The following RMST variants were observed in gnomAD, a reference collection of about 807,000 sequenced individuals.
RMST encodes the protein rhabdomyosarcoma 2 associated transcript.
At chr12:97,558,118 G>T (rs1287944923) in intron 11 of RMST, among the ~76,000 whole-genome samples, 1 of 151,742 alleles carries the variant, frequency 6.6e-6, no homozygotes, top group African/African-American at 2.4e-5. Flanking sequence ...TTCTTACTTA[G>T]CTTCTCCTTC....
intron 10 of RMST, among the ~76,000 whole-genome samples, chr12:97,529,566 AT>A (rs1165684118): frequency 7.1e-6 from 1 of 141,824 alleles, no homozygotes; most frequent in African/African-American, 2.7e-5. Context: ...ATGATATAGA[AT>A]TCTCTTTCAA....
chr12:97,544,597 C>T (rs1882797350), intron 11 of RMST, among the ~76,000 whole-genome samples: 1 of 151,998 alleles, frequency 6.6e-6, no homozygotes, highest in African/African-American at 2.4e-5. Context: ...TGGTACCATA[C>T]CTTCGCTAGA....
At chr12:97,512,374 C>T (rs1054837940) in intron 10 of RMST, among the ~76,000 whole-genome samples, 3 of 152,142 alleles carry the variant, frequency 2.0e-5, no homozygotes, top group Non-Finnish European at 2.9e-5. Flanking sequence ...TAAGGGGACC[C>T]GAGCCGGTTA....
At position 97,540,935 on chromosome 12, in the gene RMST, G is replaced by T. The variant is rs868447674; in HGVS notation, n.1545+10076G>T. Among the ~76,000 whole-genome samples, 157 of 113,064 alleles carry T rather than the reference G, an allele frequency of 1.4e-3. No individual in the cohort carries two copies. The Middle Eastern group carries it at 0.026, about 19-fold the overall frequency. The allele number at this position is 113,064 out of a possible 152,430, so 74.2% of individuals were successfully genotyped here. A position where few individuals can be genotyped will look rare whatever the true frequency, so the allele number is the denominator to read the frequency against. On this transcript the variant is annotated intron_variant and non_coding_transcript_variant, in intron 11 of 13. Coordinates refer to ENST00000640149, the Ensembl canonical transcript of RMST. ...TAGATTAGATAGATAAATAGATAGA[G>T]AGATAGATAGATATAGATATAGATA...
intron 10 of RMST, among the ~76,000 whole-genome samples, chr12:97,498,261 T>G (rs1565924002): frequency 6.6e-6 from 1 of 152,230 alleles, no homozygotes; most frequent in Admixed American, 6.5e-5. Flanking sequence ...TGATGTTATG[T>G]ATGAATGTGG....
intron 11 of RMST, chr12:97,533,240 T>C (rs186411148): frequency 6.6e-6 from 1 of 151,852 alleles, no homozygotes; most frequent in African/African-American, 2.4e-5. Context: ...ATGCTCCCAA[T>C]AGAAAAACAA....
At chr12:97,533,276 GAATAAATAAC>G (rs1881817825) in intron 11 of RMST, 1 of 151,774 alleles carries the variant, frequency 6.6e-6, no homozygotes, top group South Asian at 2.1e-4. Context: ...AAGGGGTTAG[GAATAAATAAC>G]AATGACATCT....
In RMST at chr12:97,554,884, A is replaced by G. The variant is rs143581274; in HGVS notation, n.1546-5653A>G. Among the ~76,000 whole-genome samples the G allele has an allele frequency of 4.4e-3, 675 of 152,320 alleles. 6 individuals carry two copies. The highest frequency in any genetic ancestry group is 0.016 in the African/African-American group (653 of 41,570). On this transcript the variant is annotated intron_variant and non_coding_transcript_variant, in intron 11 of 13. Transcript: ENST00000640149. The stretch of plus-strand genomic sequence containing the variant: ...AATACCTTGCTAGTTGAAAAGCTCC[A>G]GTGAGCTTCCAGGACATCTTCATGG...
intron 11 of RMST, among the ~76,000 whole-genome samples, chr12:97,547,468 T>C (rs1461087016): frequency 6.6e-6 from 1 of 152,098 alleles, no homozygotes; most frequent in African/African-American, 2.4e-5. Flanking sequence ...GGAATCTTCA[T>C]ACTGTTTTCC....
chr12:97,517,164 C>T (rs1339212538), intron 10 of RMST, among the ~76,000 whole-genome samples: 1 of 151,852 alleles, frequency 6.6e-6, no homozygotes, highest in Non-Finnish European at 1.5e-5. Context: ...AAAGTCAATA[C>T]ATACATCATT....
At chr12:97,509,813 T>C (rs1879095636) in intron 10 of RMST, among the ~76,000 whole-genome samples, 1 of 152,184 alleles carries the variant, frequency 6.6e-6, no homozygotes, top group South Asian at 2.1e-4. Flanking sequence ...AAATATATAT[T>C]GAATGTCTGT....
chr12:97,551,916 G>A (rs150381356), intron 11 of RMST: 1 of 152,150 alleles, frequency 6.6e-6, no homozygotes, highest in South Asian at 2.1e-4. Flanking sequence ...AAATCCTCTT[G>A]AGAAGGACAG....
chr12:97,478,706 T>G (rs1473051438), intron 5 of RMST, among the ~76,000 whole-genome samples: 2 of 152,230 alleles, frequency 1.3e-5, no homozygotes, highest in Admixed American at 6.5e-5. Flanking sequence ...ACTCTGATAG[T>G]GACTGACAGG....
At chr12:97,509,519 G>T (rs1879061121) in intron 10 of RMST, among the ~76,000 whole-genome samples, 2 of 152,232 alleles carry the variant, frequency 1.3e-5, no homozygotes, top group South Asian at 4.1e-4. Context: ...AGCCTGCCTT[G>T]TAGGGGAAGT....
chr12:97,550,678 T>C (rs1883248937), intron 11 of RMST, among the ~76,000 whole-genome samples: 1 of 152,180 alleles, frequency 6.6e-6, no homozygotes, highest in Admixed American at 6.5e-5. Context: ...CTCGACTTTA[T>C]TATTCTTAGT....
intron 10 of RMST, among the ~76,000 whole-genome samples, chr12:97,502,634 C>A (rs1044182301): frequency 1.3e-5 from 2 of 151,864 alleles, no homozygotes; most frequent in African/African-American, 4.8e-5. Flanking sequence ...CTAATTTTTT[C>A]TTTTATTTTT....
rs1884012224 is a variant in RMST at position 97,560,061 on chromosome 12, C to T, written n.1546-476C>T. Among the ~76,000 whole-genome samples the T allele has an allele frequency of 2.0e-5, 3 of 152,056 alleles. No individual in the cohort carries two copies. The South Asian group carries it at 6.2e-4, about 32-fold the overall frequency. On this transcript the variant is annotated intron_variant and non_coding_transcript_variant, in intron 11 of 13. Transcript: ENST00000640149. ...ATTTATGGTTTCAGCATTTGCTTTT[C>T]CCATGTGCTATTTTCATTTTTGTCA...
At chr12:97,511,150 CTTTTT>C (rs200176181) in intron 10 of RMST, among the ~76,000 whole-genome samples, 1 of 139,892 alleles carries the variant, frequency 7.1e-6, no homozygotes, top group Non-Finnish European at 1.6e-5. Context: ...GTACTTCCTT[CTTTTT>C]TTTTTTTTTT....
chr12:97,510,444 C>T (rs1441746168), intron 10 of RMST, among the ~76,000 whole-genome samples: 1 of 152,138 alleles, frequency 6.6e-6, no homozygotes, highest in Non-Finnish European at 1.5e-5. Flanking sequence ...GCATCCACAG[C>T]TTTGCTACAA....
Sources: allele counts gnomAD v4.1 joint callset (sites outside exome capture counted in the v4.1 genomes callset), GRCh38; gene constraint gnomAD v4.1.1; transcripts MANE v1.5; gene names NCBI Gene and HGNC (gene_info 2026-07-23, HGNC 2026-07-21).